ST6GALNAC3: variants seen among roughly 807,000 people sequenced by gnomAD.
ST6GALNAC3 encodes alpha-N-acetylgalactosaminide alpha-2,6-sialyltransferase 3.
A neutral mutation model predicts 32.7 loss-of-function variants in ST6GALNAC3; 25 were observed. The observed-to-expected ratio is 0.76, with a 90% CI of 0.56 to 1.07. The LOEUF is 1.07. Among genes scored for constraint, ST6GALNAC3 ranks in the 50% least tolerant of loss-of-function variants. The pLI, the probability that ST6GALNAC3 is intolerant of heterozygous loss-of-function variation, is 0.00. For synonymous variants in ST6GALNAC3, 129 were observed against 133.1 expected (o/e 0.97, Z 0.21); for missense variants, 355 against 382.4 (o/e 0.93, Z 0.60).
At chr1:76,314,348 T>C (rs1646826369) in intron 2 of ST6GALNAC3, among the ~76,000 whole-genome samples, 1 of 152,106 alleles carries the variant, frequency 6.6e-6, no homozygotes, top group African/African-American at 2.4e-5. Context: ...TTCCTGTAGG[T>C]CAACTGGTTG....
chr1:76,362,470 C>CAA (rs1308430106), intron 2 of ST6GALNAC3, among the ~76,000 whole-genome samples: 2 of 152,138 alleles, frequency 1.3e-5, no homozygotes, highest in African/African-American at 2.4e-5. Flanking sequence ...AACAGTCCCC[C>CAA]AAAGTCTTAA....
chr1:76,551,178 A>G (rs764770795), intron 3 of ST6GALNAC3, among the ~76,000 whole-genome samples: 14 of 152,034 alleles, frequency 9.2e-5, no homozygotes, highest in Non-Finnish European at 1.9e-4. Context: ...GGTCACTTCT[A>G]CCCTTTCTTC....
chr1:76,599,774 A>C (rs1647193785), intron 3 of ST6GALNAC3, among the ~76,000 whole-genome samples: 1 of 148,350 alleles, frequency 6.7e-6, no homozygotes, highest in African/African-American at 2.5e-5. Context: ...AATGTTGCTC[A>C]GAAAATATAG....
chr1:76,341,665 CT>C (rs1434860804), intron 2 of ST6GALNAC3, among the ~76,000 whole-genome samples: 23 of 144,618 alleles, frequency 1.6e-4, no homozygotes, highest in African/African-American at 5.7e-4. Flanking sequence ...TTCTTTCTTT[CT>C]TTCTTTCTTT....
chr1:76,247,815 T>A (rs889737399), intron 1 of ST6GALNAC3, among the ~76,000 whole-genome samples: 1 of 150,396 alleles, frequency 6.6e-6, no homozygotes, highest in Non-Finnish European at 1.5e-5. Context: ...TCATCCCCCT[T>A]TCCAGGGGAG....
intron 3 of ST6GALNAC3, among the ~76,000 whole-genome samples, chr1:76,552,381 T>C (rs1487495486): frequency 6.6e-6 from 1 of 152,226 alleles, no homozygotes; most frequent in Admixed American, 6.5e-5. Flanking sequence ...CCTCTTCCTT[T>C]GCTTTCCTTT....
intron 1 of ST6GALNAC3, among the ~76,000 whole-genome samples, chr1:76,283,687 A>G (rs1340792130): frequency 1.3e-5 from 2 of 152,208 alleles, no homozygotes; most frequent in East Asian, 3.8e-4. Context: ...TTTCTATGCA[A>G]CAATGCTCTG....
intron 1 of ST6GALNAC3, among the ~76,000 whole-genome samples, chr1:76,252,474 C>G (rs1161508261): frequency 6.6e-6 from 1 of 152,230 alleles, no homozygotes; most frequent in East Asian, 1.9e-4. Context: ...AAGTGTGTAT[C>G]TGTTATCTAA....
intron 1 of ST6GALNAC3, among the ~76,000 whole-genome samples, chr1:76,182,493 A>G (rs1653248412): frequency 6.6e-6 from 1 of 152,142 alleles, no homozygotes; most frequent in Non-Finnish European, 1.5e-5. Context: ...TAGAGATATG[A>G]TTACCTATCT....
intron 1 of ST6GALNAC3, among the ~76,000 whole-genome samples, chr1:76,200,817 A>G (rs1341578301): frequency 6.6e-6 from 1 of 151,974 alleles, no homozygotes; most frequent in Non-Finnish European, 1.5e-5. Context: ...TTGCAGTTTG[A>G]TTTGTGGAGA....
chr1:76,077,306 T>G (rs1646830652), intron 1 of ST6GALNAC3, among the ~76,000 whole-genome samples: 1 of 152,164 alleles, frequency 6.6e-6, no homozygotes. Flanking sequence ...GACCCTGGAC[T>G]TGGTGTTGGC....
At chr1:76,122,157 A>G (rs1016783750) in intron 1 of ST6GALNAC3, among the ~76,000 whole-genome samples, 1 of 152,140 alleles carries the variant, frequency 6.6e-6, no homozygotes, top group Non-Finnish European at 1.5e-5. Flanking sequence ...GGGTAGTTCC[A>G]TGAGGGCAGA....
Position 76,627,359 on chromosome 1 carries a change from T to G in ST6GALNAC3, c.624-93T>G, listed in dbSNP as rs114183639. The G allele has an allele frequency of 7.4e-4, 591 of 803,702 alleles. 4 individuals carry two copies. In the African/African-American group the frequency reaches 9.3e-3, roughly 13 times the overall value. The allele number at this position is 803,702 out of a possible 1,614,324, so 49.8% of individuals were successfully genotyped here. A position where few individuals can be genotyped will look rare whatever the true frequency, so the allele number is the denominator to read the frequency against. Reference sequence around the variant, plus strand: ...CTGATAACAAGTGCTATGTTTTTGATGAAATGTTGCTCGTTTCTCACACAC... The same window carrying G: ...CTGATAACAAGTGCTATGTTTTTGAGGAAATGTTGCTCGTTTCTCACACAC... On this transcript the variant is annotated intron_variant, in intron 3 of 4. Transcript: ENST00000328299.
chr1:76,218,507 G>T (rs1171264342), intron 1 of ST6GALNAC3, among the ~76,000 whole-genome samples: 1 of 152,140 alleles, frequency 6.6e-6, no homozygotes, highest in African/African-American at 2.4e-5. Flanking sequence ...TAAAATACCT[G>T]ACCTAAAGAA....
At chr1:76,400,718 C>G (rs1450385237) in intron 2 of ST6GALNAC3, among the ~76,000 whole-genome samples, 1 of 152,026 alleles carries the variant, frequency 6.6e-6, no homozygotes, top group East Asian at 1.9e-4. Context: ...GAAACCTCAT[C>G]TCTAGCACAA....
At position 76,227,810 on chromosome 1, in the gene ST6GALNAC3, A is replaced by G. The variant is rs748601224; in HGVS notation, c.19-85995A>G. ...AACTCACTGGGATATTTCTAGTATTATTTGCTCTCATGTGACCATATAGCA... is the reference window on the plus strand; with the variant it reads ...AACTCACTGGGATATTTCTAGTATTGTTTGCTCTCATGTGACCATATAGCA... On this transcript the variant is annotated intron_variant, in intron 1 of 4. Transcript: ENST00000328299. 6.0e-4 allele frequency among the ~76,000 whole-genome samples: 92 copies of G among 152,140 alleles called. 1 individual carries two copies. Among genetic ancestry groups the G allele is most frequent in the Non-Finnish European group, 1.3e-4 (9 of 68,020 alleles).
intron 1 of ST6GALNAC3, among the ~76,000 whole-genome samples, chr1:76,217,568 A>G (rs1048024979): frequency 6.6e-6 from 1 of 152,148 alleles, no homozygotes; most frequent in African/African-American, 2.4e-5. Context: ...GTTTGGTTAC[A>G]TGAATATCTT....
intron 1 of ST6GALNAC3, among the ~76,000 whole-genome samples, chr1:76,161,549 T>A (rs1651812380): frequency 6.6e-6 from 1 of 152,224 alleles, no homozygotes; most frequent in Non-Finnish European, 1.5e-5. Flanking sequence ...GAGATTTTTC[T>A]CTCTGCTAAT....
intron 1 of ST6GALNAC3, among the ~76,000 whole-genome samples, chr1:76,138,409 C>T (rs546147291): frequency 1.8e-4 from 27 of 151,454 alleles, no homozygotes; most frequent in Non-Finnish European, 3.4e-4. Flanking sequence ...ATATTGCCAG[C>T]CTGCTCCTGG....
Sources: allele counts gnomAD v4.1 joint callset (sites outside exome capture counted in the v4.1 genomes callset), GRCh38; gene constraint gnomAD v4.1.1; transcripts MANE v1.5; gene names NCBI Gene and HGNC (gene_info 2026-07-23, HGNC 2026-07-21).